The following NCOA2 variants were observed in gnomAD, a reference collection of about 807,000 sequenced individuals.
NCOA2 encodes the protein nuclear receptor coactivator 2, also known as class E basic helix-loop-helix protein 75.
In NCOA2, 21 loss-of-function variants were observed where a neutral mutation model predicts 145.1. The observed-to-expected ratio is 0.14, with a 90% CI of 0.10 to 0.21. The LOEUF (loss-of-function observed/expected upper bound fraction) is 0.21. Ranked by LOEUF, NCOA2 falls within the 10% of genes least tolerant of loss-of-function variation. The pLI is 1.00. For synonymous variants in NCOA2, 619 were observed against 637.5 expected, an observed-to-expected ratio of 0.97 and a Z score of 0.44; for missense variants, 1,472 against 1,837.6, an observed-to-expected ratio of 0.80 and a Z score of 3.64.
intron 16 of NCOA2, among the ~76,000 whole-genome samples, chr8:70,129,677 C>CT (rs990872423): frequency 2.8e-4 from 42 of 147,478 alleles, no homozygotes; most frequent in Middle Eastern, 3.5e-3. Context: ...TCACTCCTGA[C>CT]TTTTTTTTTT....
the NCOA2 span, among the ~76,000 whole-genome samples, chr8:70,452,190 G>A: frequency 3.9e-5 from 6 of 152,176 alleles, no homozygotes; most frequent in Non-Finnish European, 7.3e-5. Context: ...TGCCCAGGCT[G>A]GTCTCAAACT....
intron 2 of NCOA2, among the ~76,000 whole-genome samples, chr8:70,259,384 G>C (rs1438113665): frequency 1.3e-5 from 2 of 152,174 alleles, no homozygotes; most frequent in Non-Finnish European, 2.9e-5. Flanking sequence ...TTATAAACAT[G>C]AAATAGACCA....
In NCOA2 at chr8:70,110,706, A is replaced by G; in HGVS notation, c.*2926T>C. ...ATTGCATTATATAAACTGCAAAAAC[A>G]TTGCTTTCAATTATTACAGGCCATA... On this transcript the variant is annotated 3_prime_UTR_variant, in exon 23 of 23. Transcript: ENST00000452400. The G allele has an allele frequency of 4.6e-6, 1 of 219,208 alleles. No homozygotes were observed. The highest frequency in any genetic ancestry group is 9.2e-6 in the Non-Finnish European group (1 of 109,200). 13.6% of individuals were successfully genotyped at this position (219,208 alleles called of 1,614,324 possible).
intron 2 of NCOA2, among the ~76,000 whole-genome samples, chr8:70,217,279 C>T (rs957195670): frequency 6.6e-6 from 1 of 152,176 alleles, no homozygotes; most frequent in Non-Finnish European, 1.5e-5. Flanking sequence ...CATCTGACAC[C>T]CCTGTAGCCC....
At chr8:70,171,169 G>GT (rs1814211774) in intron 5 of NCOA2, among the ~76,000 whole-genome samples, 1 of 152,340 alleles carries the variant, frequency 6.6e-6, no homozygotes, top group Admixed American at 6.5e-5. Context: ...CCCAACGGAG[G>GT]TAAGGGAAGG....
intron 2 of NCOA2, among the ~76,000 whole-genome samples, chr8:70,288,817 G>A (rs563478276): frequency 6.6e-6 from 1 of 152,238 alleles, no homozygotes; most frequent in East Asian, 1.9e-4. Context: ...GCGCACAAGT[G>A]CAAATAGTTT....
At chr8:70,418,864 A>G in the NCOA2 span, among the ~76,000 whole-genome samples, 1 of 152,194 alleles carries the variant, frequency 6.6e-6, no homozygotes, top group Non-Finnish European at 1.5e-5. Context: ...TATATTTGCA[A>G]TATATTCATT....
rs1825232932 is a variant in NCOA2, at chr8:70,273,527, G to A, written c.-20+23217C>T. On this transcript the variant is annotated intron_variant, in intron 2 of 22. Coordinates refer to ENST00000452400, the MANE Select transcript of NCOA2 (RefSeq NM_006540.4). The stretch of plus-strand genomic sequence containing the variant: ...CTCCTTAAAGAAGTTAGAAATCTCT[G>A]GCATTGAAGAGGTGAATATGTTTAC... 4.3e-6 allele frequency: 3 copies of A among 694,418 alleles called. No individual in the cohort carries two copies. In the South Asian group the frequency reaches 4.5e-5, roughly 10 times the overall value. The allele number at this position is 694,418 out of a possible 1,614,324, so 43.0% of individuals were successfully genotyped here. A position where few individuals can be genotyped will look rare whatever the true frequency, so the allele number is the denominator to read the frequency against.
At chr8:70,224,361 G>A (rs974226044) in intron 2 of NCOA2, among the ~76,000 whole-genome samples, 6 of 152,160 alleles carry the variant, frequency 3.9e-5, no homozygotes, top group Non-Finnish European at 7.3e-5. Flanking sequence ...CAGTTATGAA[G>A]GGTAATTGTA....
intron 2 of NCOA2, among the ~76,000 whole-genome samples, chr8:70,247,414 T>C (rs1397655792): frequency 6.6e-6 from 1 of 152,224 alleles, no homozygotes; most frequent in Non-Finnish European, 1.5e-5. Flanking sequence ...TTAAAAGTTA[T>C]AATGATTTTT....
At chr8:70,129,767 T>C (rs1808879230) in intron 16 of NCOA2, among the ~76,000 whole-genome samples, 1 of 151,918 alleles carries the variant, frequency 6.6e-6, no homozygotes. Context: ...GCCTCCCAGG[T>C]TCAAGCAATT....
At chr8:70,116,711 C>A (rs114549859) in intron 22 of NCOA2, among the ~76,000 whole-genome samples, 1 of 152,160 alleles carries the variant, frequency 6.6e-6, no homozygotes, top group African/African-American at 2.4e-5. Context: ...AAGGGATATC[C>A]TATACAGATT....
intron 2 of NCOA2, among the ~76,000 whole-genome samples, chr8:70,239,694 T>C (rs1821955611): frequency 6.6e-6 from 1 of 152,052 alleles, no homozygotes; most frequent in African/African-American, 2.4e-5. Flanking sequence ...ACAAAGACAA[T>C]GGTGATTGGT....
chr8:70,123,145 G>A (rs916785914), intron 21 of NCOA2, among the ~76,000 whole-genome samples: 2 of 152,170 alleles, frequency 1.3e-5, no homozygotes, highest in Non-Finnish European at 2.9e-5. Context: ...ATCTAGTGAA[G>A]TTAGGAACAG....
chr8:70,138,148 A>T, intron 15 of NCOA2, 55 bp downstream of exon 15: 1 of 1,561,708 alleles, frequency 6.4e-7, no homozygotes, highest in Admixed American at 2.0e-5. Flanking sequence ...AAAGGAAAAG[A>T]TTAATTTCTG....
At chr8:70,414,237 A>G in the NCOA2 span, among the ~76,000 whole-genome samples, 1 of 152,126 alleles carries the variant, frequency 6.6e-6, no homozygotes, top group Non-Finnish European at 1.5e-5. Context: ...ACCGTCTAAG[A>G]CTAACAATGC....
Position 70,170,308 on chromosome 8 carries a change from C to G in NCOA2, c.435G>C (p.Gln145His). 6.2e-7 allele frequency: 1 copy of G among 1,609,050 alleles called. No individual in the cohort carries two copies. Among genetic ancestry groups the G allele is most frequent in the East Asian group, 2.2e-5 (1 of 44,726 alleles). Residue 145 changes from glutamine to histidine, a missense_variant, in exon 6 of 23, where the codon CAG (glutamine) becomes CAC (histidine). Gln to His is a conservative substitution (Grantham distance 24). This residue lies in a region of NCOA2 where 284 missense variants were observed against 467.8 expected (regional missense o/e 0.61). Coordinates refer to ENST00000452400, the MANE Select transcript of NCOA2 (RefSeq NM_006540.4). ...GCTCTTCTTGGTTATACCTTAGATA[C>G]TGTGTCACATTCTCTGACACAAACA... ...NVVFVSENVT[Q>H]YLRYNQEELM...
At chr8:70,336,278 C>T (rs978099650) in intron 1 of NCOA2, among the ~76,000 whole-genome samples, 1 of 152,052 alleles carries the variant, frequency 6.6e-6, no homozygotes, top group Non-Finnish European at 1.5e-5. Flanking sequence ...GGACCACTGT[C>T]GTATATATGA....
intron 2 of NCOA2, among the ~76,000 whole-genome samples, chr8:70,276,327 G>A (rs1825462684): frequency 6.6e-6 from 1 of 151,880 alleles, no homozygotes; most frequent in African/African-American, 2.4e-5. Context: ...CTCTTAGGGG[G>A]AAAAAAAGAT....
Sources: allele counts gnomAD v4.1 joint callset (sites outside exome capture counted in the v4.1 genomes callset), GRCh38; gene constraint gnomAD v4.1.1; regional missense constraint gnomAD v4.1.1; transcripts MANE v1.5; gene names NCBI Gene and HGNC (gene_info 2026-07-23, HGNC 2026-07-21).